ADARB2: variants seen among roughly 807,000 people sequenced by gnomAD.
The protein encoded by ADARB2 is inactive double-stranded RNA-specific editase B2.
Under a neutral mutation model 62.2 loss-of-function variants are expected in ADARB2, and 25 were observed. The ratio of observed to expected loss-of-function variants is 0.40; its 90% CI spans 0.29 to 0.56. The LOEUF (loss-of-function observed/expected upper bound fraction) is 0.56. ADARB2 is among the 20% of genes least tolerant of loss of function. ADARB2 has a pLI of 0.43. For missense variants in ADARB2, 1,071 were observed against 1,077.4 expected, an observed-to-expected ratio of 0.99 and a Z score of 0.08; for synonymous variants, 572 against 500.8, an observed-to-expected ratio of 1.14 and a Z score of -1.90.
intron 1 of ADARB2, among the ~76,000 whole-genome samples, chr10:1,456,784 C>T (rs1462262006): frequency 1.3e-5 from 2 of 152,054 alleles, no homozygotes; most frequent in Non-Finnish European, 2.9e-5. Context: ...TCTGACTGCC[C>T]GAGAAAGATC....
intron 1 of ADARB2, among the ~76,000 whole-genome samples, chr10:1,488,316 T>C (rs1831571269): frequency 6.6e-6 from 1 of 152,084 alleles, no homozygotes; most frequent in Non-Finnish European, 1.5e-5. Context: ...ACAATGGTAA[T>C]ATTTGCTCAC....
At chr10:1,337,923 C>T (rs1831989408) in intron 3 of ADARB2, among the ~76,000 whole-genome samples, 1 of 152,206 alleles carries the variant, frequency 6.6e-6, no homozygotes, top group African/African-American at 2.4e-5. Context: ...ACCTCGTGCA[C>T]ACTATACACA....
chr10:1,605,393 G>A (rs531356490), intron 1 of ADARB2, among the ~76,000 whole-genome samples: 22 of 152,232 alleles, frequency 1.4e-4, no homozygotes, highest in Admixed American at 4.6e-4. Flanking sequence ...AGCGAGGTGG[G>A]CCTGGAGACC....
intron 1 of ADARB2, among the ~76,000 whole-genome samples, chr10:1,682,276 G>T (rs976317141): frequency 2.6e-5 from 4 of 152,186 alleles, no homozygotes; most frequent in Non-Finnish European, 1.5e-5. Context: ...AAGCTCAGAT[G>T]CAAAGGAAGG....
chr10:1,351,137 G>A (rs1237083716), intron 3 of ADARB2, among the ~76,000 whole-genome samples: 3 of 152,152 alleles, frequency 2.0e-5, no homozygotes, highest in South Asian at 2.1e-4. Flanking sequence ...AACTCACCTG[G>A]CTGCCACTCC....
chr10:1,662,514 C>T (rs1834263304), intron 1 of ADARB2, among the ~76,000 whole-genome samples: 1 of 152,232 alleles, frequency 6.6e-6, no homozygotes, highest in African/African-American at 2.4e-5. Context: ...GCCCAGACTT[C>T]TGACTCACGG....
chr10:1,295,115 A>C (rs1831512141), intron 3 of ADARB2, among the ~76,000 whole-genome samples: 1 of 152,216 alleles, frequency 6.6e-6, no homozygotes, highest in South Asian at 2.1e-4. Flanking sequence ...CCGGTGTTCC[A>C]GGAAGGCCAG....
chr10:1,472,439 C>T (rs537314985), intron 1 of ADARB2, among the ~76,000 whole-genome samples: 9 of 152,026 alleles, frequency 5.9e-5, no homozygotes, highest in African/African-American at 9.6e-5. Context: ...GAGTGCCATG[C>T]GGCTCGGGGT....
At chr10:1,259,679 G>A (rs1357173494) in intron 4 of ADARB2, among the ~76,000 whole-genome samples, 1 of 152,154 alleles carries the variant, frequency 6.6e-6, no homozygotes, top group Non-Finnish European at 1.5e-5. Context: ...ACCAAAAAAA[G>A]TCCAGGACCA....
intron 3 of ADARB2, among the ~76,000 whole-genome samples, chr10:1,275,785 C>T (rs555526692): frequency 1.3e-5 from 2 of 151,856 alleles, no homozygotes; most frequent in Non-Finnish European, 2.9e-5. Flanking sequence ...CAATAGTTTG[C>T]TGAGAATGAT....
rs139323087 is a variant in ADARB2, at chr10:1,528,130, C to T, written c.101-148970G>A. ...CAGCCTCTCGACAAACTCGTGTCCGCGGCTGTGGGCTACGTTCTCGCCAAT... is the reference window on the plus strand; with the variant it reads ...CAGCCTCTCGACAAACTCGTGTCCGTGGCTGTGGGCTACGTTCTCGCCAAT... On this transcript the variant is annotated intron_variant, in intron 1 of 9. Transcript: ENST00000381312. Among the ~76,000 whole-genome samples the T allele has an allele frequency of 3.3e-3, 509 of 152,314 alleles. 4 individuals carry two copies. The highest frequency in any genetic ancestry group is 0.011 in the African/African-American group (466 of 41,554).
intron 1 of ADARB2, among the ~76,000 whole-genome samples, chr10:1,648,783 G>C (rs945823823): frequency 1.3e-5 from 2 of 152,144 alleles, no homozygotes; most frequent in Admixed American, 6.6e-5. Flanking sequence ...TTAACTGAGC[G>C]TGTTTTAGAC....
intron 1 of ADARB2, among the ~76,000 whole-genome samples, chr10:1,425,453 T>A (rs1033586883): frequency 5.9e-5 from 9 of 152,260 alleles, no homozygotes; most frequent in Non-Finnish European, 1.2e-4. Context: ...CAAGTTTGTA[T>A]CCTTCAAGCA....
rs201838719 is a variant in ADARB2, at chr10:1,184,935, G to A, written c.1969C>T (p.Arg657Trp). ...DLEIINATTG[R>W]RSCGGPSRLC... ...CGGGATGGGCCCCCACAGCTCCTCC[G>A]CCCAGTGGTGGCGTTGATAATCTCC... is the stretch of plus-strand genomic sequence containing the variant. The change falls in exon 9 of 10, where the codon CGG becomes TGG. Residue 657 changes from arginine to tryptophan, a missense_variant. Physicochemically the swap from Arg to Trp is moderately radical, Grantham distance 101. Coordinates refer to ENST00000381312, the MANE Select transcript of ADARB2 (RefSeq NM_018702.4). 5.0e-6 allele frequency: 8 copies of A among 1,613,886 alleles called. No homozygotes were observed. The highest frequency in any genetic ancestry group is 2.2e-5 in the East Asian group (1 of 44,868).
chr10:1,653,451 C>A (rs967026457), intron 1 of ADARB2, among the ~76,000 whole-genome samples: 1 of 146,462 alleles, frequency 6.8e-6, no homozygotes, highest in African/African-American at 2.5e-5. Context: ...GTTGGGGGGC[C>A]CAGGAATGTG....
chr10:1,186,354 G>A, intron 8 of ADARB2: 1 of 412,026 alleles, frequency 2.4e-6, no homozygotes, highest in Non-Finnish European at 5.0e-6. Flanking sequence ...ATAGGAAGAT[G>A]CATGGTCCAC....
chr10:1,539,214 T>C (rs901284998), intron 1 of ADARB2, among the ~76,000 whole-genome samples: 2 of 152,200 alleles, frequency 1.3e-5, no homozygotes. Flanking sequence ...TACTTAACAT[T>C]TCCTGAATGC....
At chr10:1,646,021 G>T (rs542810883) in intron 1 of ADARB2, among the ~76,000 whole-genome samples, 2 of 152,160 alleles carry the variant, frequency 1.3e-5, no homozygotes, top group Non-Finnish European at 2.9e-5. Context: ...GTTAGGAGAC[G>T]TGTCCCAGGG....
At chr10:1,393,747 G>C (rs1374934511) in intron 1 of ADARB2, among the ~76,000 whole-genome samples, 1 of 152,212 alleles carries the variant, frequency 6.6e-6, no homozygotes. Flanking sequence ...ATTGTTCTGT[G>C]TGCCCTTCCA....
Sources: gnomAD v4.1 joint callset for allele counts (sites outside exome capture counted in the v4.1 genomes callset) on GRCh38, gnomAD v4.1.1 for gene constraint, MANE v1.5 for transcripts, NCBI Gene and HGNC (gene_info 2026-07-23, HGNC 2026-07-21) for gene names.